Variants in EVI5 observed in about 807,000 individuals in gnomAD.
The protein encoded by EVI5 is ecotropic viral integration site 5 protein homolog.
In EVI5, 73 loss-of-function variants were observed where a neutral mutation model predicts 112.0. The observed-to-expected ratio is 0.65, with a 90% CI of 0.54 to 0.79. The LOEUF is 0.79. Ranked by LOEUF, EVI5 falls within the 30% of genes least tolerant of loss-of-function variation. The pLI, the probability that EVI5 is intolerant of heterozygous loss-of-function variation, is 0.00. For missense variants in EVI5, 900 were observed against 968.8 expected (o/e 0.93, Z 0.94); for synonymous variants, 305 against 319.9 (o/e 0.95, Z 0.50).
intron 19 of EVI5, among the ~76,000 whole-genome samples, chr1:92,532,497 G>A (rs1311377254): frequency 6.6e-6 from 1 of 151,930 alleles, no homozygotes; most frequent in Non-Finnish European, 1.5e-5. Context: ...TCTCGGCACC[G>A]CATCACACTT....
intron 18 of EVI5, among the ~76,000 whole-genome samples, chr1:92,590,248 G>A (rs775101676): frequency 1.3e-5 from 2 of 152,130 alleles, no homozygotes; most frequent in South Asian, 4.1e-4. Context: ...ACCAGCAATG[G>A]AACAAAGCTG....
chr1:92,693,901 T>A lies in EVI5; in HGVS notation c.1000-2A>T. The A allele has an allele frequency of 6.6e-7, 1 of 1,519,882 alleles. No homozygotes were observed. The highest frequency in any genetic ancestry group is 9.1e-7 in the Non-Finnish European group (1 of 1,104,746). 94.1% of individuals were successfully genotyped at this position (1,519,882 alleles called of 1,614,324 possible). On this transcript the variant is annotated splice_acceptor_variant, in intron 8 of 19. Transcript: ENST00000684568. LOFTEE classifies it high-confidence loss of function. Reference sequence around the variant, plus strand: ...ATGTGGAATGACCTTTTGAAAGTGCTAAGATACAATTAAAAAAAAAACATA... The same window carrying A: ...ATGTGGAATGACCTTTTGAAAGTGCAAAGATACAATTAAAAAAAAAACATA...
chr1:92,626,953 C>T (rs529758507), intron 14 of EVI5, among the ~76,000 whole-genome samples: 76 of 152,264 alleles, frequency 5.0e-4, no homozygotes, highest in Non-Finnish European at 1.5e-5. Flanking sequence ...ACAAATTAAA[C>T]AATTTACCAA....
At chr1:92,791,228 A>C (rs1156342132) in intron 1 of EVI5, among the ~76,000 whole-genome samples, 1 of 152,242 alleles carries the variant, frequency 6.6e-6, no homozygotes, top group Non-Finnish European at 1.5e-5. Context: ...AACTAGAGGT[A>C]GTAACTCCAC....
In EVI5 at chr1:92,734,042, G is replaced by A. The variant is rs191217317; in HGVS notation, c.149+2356C>T. Among the ~76,000 whole-genome samples the A allele has an allele frequency of 3.5e-3, 538 of 152,280 alleles. 4 individuals are homozygous for A. Among genetic ancestry groups the A allele is most frequent in the Non-Finnish European group, 5.9e-3 (400 of 68,024 alleles). On this transcript the variant is annotated intron_variant, in intron 2 of 19. Transcript: ENST00000684568. ...TGCTTTAAGCAAGTTATATGGCCAC[G>A]CCTAGCATCATGGGGGCCGGAAAGT... is the stretch of plus-strand genomic sequence containing the variant.
intron 14 of EVI5, among the ~76,000 whole-genome samples, chr1:92,627,720 T>C (rs889677938): frequency 6.6e-6 from 1 of 152,194 alleles, no homozygotes; most frequent in South Asian, 2.1e-4. Context: ...ATGGCTAATC[T>C]TGTGGAAGTA....
intron 2 of EVI5, among the ~76,000 whole-genome samples, chr1:92,736,045 A>C (rs188184841): frequency 6.6e-6 from 1 of 151,434 alleles, no homozygotes; most frequent in Non-Finnish European, 1.5e-5. Context: ...TCTAAACCAC[A>C]AATCAGATAT....
At chr1:92,518,343 C>A (rs901779136) in intron 19 of EVI5, among the ~76,000 whole-genome samples, 3 of 152,060 alleles carry the variant, frequency 2.0e-5, no homozygotes, top group Admixed American at 1.3e-4. Context: ...AAATGAGACA[C>A]GGGTTTTTTA....
chr1:92,547,573 G>A (rs12128443), intron 19 of EVI5, among the ~76,000 whole-genome samples: 130,468 of 152,112 alleles, frequency 0.86, 56,401 homozygotes, highest in East Asian at 0.97. Context: ...GTTTTTGAAA[G>A]GATCAACAAA....
intron 10 of EVI5, among the ~76,000 whole-genome samples, chr1:92,675,451 T>C (rs1394689844): frequency 1.3e-5 from 2 of 152,206 alleles, no homozygotes; most frequent in Non-Finnish European, 2.9e-5. Flanking sequence ...TATAAGAAAT[T>C]TCTTCAAGAG....
chr1:92,548,335 AT>A, intron 19 of EVI5, among the ~76,000 whole-genome samples: 1 of 152,362 alleles, frequency 6.6e-6, no homozygotes, highest in East Asian at 1.9e-4. Flanking sequence ...TTCGGTATTG[AT>A]TGGACGTATC....
chr1:92,634,038 T>C (rs1658126730), intron 14 of EVI5, among the ~76,000 whole-genome samples: 1 of 152,186 alleles, frequency 6.6e-6, no homozygotes, highest in South Asian at 2.1e-4. Context: ...TAGTTTCTGC[T>C]GAGAGATCAG....
intron 13 of EVI5, among the ~76,000 whole-genome samples, chr1:92,651,850 CAAAA>C (rs35991116): frequency 2.2e-5 from 2 of 90,700 alleles, no homozygotes; most frequent in Admixed American, 1.1e-4. Context: ...GACTCCGTCT[CAAAA>C]AAAAAAAAAA....
intron 1 of EVI5, among the ~76,000 whole-genome samples, chr1:92,783,657 C>A (rs1441482401): frequency 1.1e-4 from 16 of 150,260 alleles, no homozygotes; most frequent in African/African-American, 3.9e-4. Flanking sequence ...ACTAAAAATA[C>A]AAAAATTAGC....
intron 1 of EVI5, among the ~76,000 whole-genome samples, chr1:92,775,769 T>C (rs1385209754): frequency 6.6e-6 from 1 of 152,174 alleles, no homozygotes; most frequent in Non-Finnish European, 1.5e-5. Context: ...AATGGGGATT[T>C]TGTGCAGTTG....
intron 13 of EVI5, among the ~76,000 whole-genome samples, chr1:92,650,620 T>C (rs1021638358): frequency 2.0e-5 from 3 of 152,070 alleles, no homozygotes; most frequent in African/African-American, 4.8e-5. Flanking sequence ...ACATTTAATA[T>C]AATTATTGAT....
intron 19 of EVI5, among the ~76,000 whole-genome samples, chr1:92,524,370 T>A (rs1661495531): frequency 6.6e-6 from 1 of 152,238 alleles, no homozygotes; most frequent in Non-Finnish European, 1.5e-5. Flanking sequence ...TGTTAATTTA[T>A]CACTTCCATT....
intron 9 of EVI5, among the ~76,000 whole-genome samples, chr1:92,687,310 A>G (rs1304083780): frequency 1.3e-5 from 2 of 152,230 alleles, no homozygotes; most frequent in African/African-American, 4.8e-5. Flanking sequence ...TATTTAATAA[A>G]TGATGCTGGG....
At chr1:92,528,367 C>T (rs568574328) in intron 19 of EVI5, among the ~76,000 whole-genome samples, 1 of 152,282 alleles carries the variant, frequency 6.6e-6, no homozygotes, top group East Asian at 1.9e-4. Context: ...TGGCTTATGC[C>T]TGTTGTTACA....
Sources: gnomAD v4.1 joint callset for allele counts (sites outside exome capture counted in the v4.1 genomes callset) on GRCh38, gnomAD v4.1.1 for gene constraint, MANE v1.5 for transcripts, NCBI Gene and HGNC (gene_info 2026-07-23, HGNC 2026-07-21) for gene names.